The following EPG5 variants were observed in gnomAD, a reference collection of about 807,000 sequenced individuals.
The protein encoded by EPG5 is ectopic P granules protein 5 homolog.
In EPG5, 159 loss-of-function variants were observed where a neutral mutation model predicts 302.7. The observed-to-expected ratio is 0.53, with a 90% CI of 0.46 to 0.60. EPG5 has a LOEUF of 0.60. EPG5 is among the 20% of genes least tolerant of loss of function. EPG5 has a pLI of 0.00. For missense variants in EPG5, 2,896 were observed against 3,092.4 expected, an observed-to-expected ratio of 0.94 and a Z score of 1.51; for synonymous variants, 1,158 against 1,136.8, an observed-to-expected ratio of 1.02 and a Z score of -0.37.
At chr18:45,900,974 C>A (rs778939529) in intron 26 of EPG5, 22 bp downstream of exon 26, 1 of 1,594,684 alleles carries the variant, frequency 6.3e-7, no homozygotes, top group Non-Finnish European at 8.6e-7. Context: ...GGAACATGAT[C>A]CGTGAGGCTG....
chr18:45,912,319 C>A lies in EPG5; in HGVS notation c.3954G>T (p.Leu1318=). 1 of 1,605,232 alleles carries A rather than the reference C, an allele frequency of 6.2e-7. No individual in the cohort carries two copies. The highest frequency in any genetic ancestry group is 8.5e-7 in the Non-Finnish European group (1 of 1,177,366). ...ACTGTGGTCCCGGACGGTGAAGATACAGAAGGAAGAACTTCTGCCAAATGA... is the reference window on the plus strand; with the variant it reads ...ACTGTGGTCCCGGACGGTGAAGATAAAGAAGGAAGAACTTCTGCCAAATGA... ...LPLIWQKFFL[L]YLHRPGPQYG... The change falls in exon 22 of 44, where the codon CTG becomes CTT. Residue 1318 remains leucine (L), a synonymous_variant. Transcript: ENST00000282041.
At chr18:45,821,824 G>A in the EPG5 span, among the ~76,000 whole-genome samples, 1 of 152,280 alleles carries the variant, frequency 6.6e-6, no homozygotes, top group African/African-American at 2.4e-5. Context: ...CTCAAAGGAA[G>A]ACATACAAAT....
At chr18:45,855,537 C>T in intron 43 of EPG5, 36 bp downstream of exon 43, 1 of 1,496,982 alleles carries the variant, frequency 6.7e-7, no homozygotes, top group Non-Finnish European at 9.3e-7. Flanking sequence ...GGAAGATGTG[C>T]AGGCAAACTT....
the EPG5 span, among the ~76,000 whole-genome samples, chr18:45,824,952 C>T: frequency 6.6e-6 from 1 of 151,880 alleles, no homozygotes; most frequent in African/African-American, 2.4e-5. Flanking sequence ...CCCCCAAGTG[C>T]CAAGGGAAGG....
rs373011809 is a variant in EPG5, at chr18:45,943,293, G to C, written c.1811C>G (p.Thr604Arg). 290 of 1,613,782 alleles carry C rather than the reference G, an allele frequency of 1.8e-4. No homozygotes were observed. Among genetic ancestry groups the C allele is most frequent in the Non-Finnish European group, 2.4e-4 (280 of 1,179,906 alleles). ...FKAKGDYLPE[T>R]TRPQEMMKIF... ...TTTCATCATCTCTTGAGGTCTTGTT[G>C]TTTCAGGTAAATAATCACCTAGAAG... is the stretch of plus-strand genomic sequence containing the variant. Residue 604 changes from threonine (T) to arginine (R), a missense_variant, in exon 9 of 44, where the codon ACA becomes AGA. By Grantham distance (71) the Thr-to-Arg change is moderately conservative (BLOSUM62 -1). Around this residue, in one of 5 missense-constraint regions of EPG5, gnomAD observed 1,390 missense variants for 1,430.0 expected, o/e 0.97. Coordinates refer to ENST00000282041, the MANE Select transcript of EPG5 (RefSeq NM_020964.3).
chr18:45,823,784 C>T, the EPG5 span, among the ~76,000 whole-genome samples: 2 of 152,178 alleles, frequency 1.3e-5, no homozygotes, highest in Non-Finnish European at 2.9e-5. Context: ...AGCAAACAAA[C>T]GATGACAACA....
At chr18:45,805,207 G>A in the EPG5 span, among the ~76,000 whole-genome samples, 104,948 of 151,896 alleles carry the variant, frequency 0.69, 36,715 homozygotes, top group East Asian at 0.92. Flanking sequence ...ACAGGAAAAA[G>A]GGGTTATTTG....
At chr18:45,911,783 A>T (rs1273085213) in intron 22 of EPG5, among the ~76,000 whole-genome samples, 1 of 152,190 alleles carries the variant, frequency 6.6e-6, no homozygotes, top group Admixed American at 6.5e-5. Flanking sequence ...TGAGGAATTG[A>T]GGCAGGAGCT....
At position 45,916,593 on chromosome 18, in the gene EPG5, C is replaced by T; in HGVS notation, c.3240-11G>A. On this transcript the variant is annotated splice_polypyrimidine_tract_variant and intron_variant, in intron 17 of 43. Coordinates refer to ENST00000282041, the MANE Select transcript of EPG5 (RefSeq NM_020964.3). The stretch of plus-strand genomic sequence containing the variant: ...AGATGCGATAAAAACCTGCCAAGCA[C>T]ACAGGAGGACGCACTTTACCTTCCG... The T allele has an allele frequency of 6.3e-7, 1 of 1,586,946 alleles. No individual in the cohort carries two copies. The highest frequency in any genetic ancestry group is 8.6e-7 in the Non-Finnish European group (1 of 1,158,140).
downstream of EPG5, among the ~76,000 whole-genome samples, chr18:45,845,204 C>T (rs897591812): frequency 2.0e-5 from 3 of 152,204 alleles, no homozygotes; most frequent in East Asian, 5.8e-4. Flanking sequence ...GATACATACC[C>T]TTCTGCGGTA....
intron 11 of EPG5, among the ~76,000 whole-genome samples, chr18:45,934,548 C>CA (rs781504290): frequency 5.9e-5 from 9 of 152,190 alleles, no homozygotes; most frequent in East Asian, 5.8e-4. Context: ...CACACACATG[C>CA]AAAAAAGTGC....
the EPG5 span, chr18:45,838,616 C>T: frequency 7.1e-7 from 1 of 1,402,706 alleles, no homozygotes; most frequent in Non-Finnish European, 9.3e-7. Context: ...ACCCAAGTGC[C>T]CATTCCTCCC....
intron 34 of EPG5, among the ~76,000 whole-genome samples, chr18:45,877,214 T>G (rs1025095532): frequency 6.6e-6 from 1 of 152,018 alleles, no homozygotes; most frequent in East Asian, 2.0e-4. Context: ...CTGGCCAACA[T>G]AGCAAAACAC....
chr18:45,855,613 C>T lies in EPG5; in HGVS notation c.7517G>A (p.Arg2506Lys), dbSNP rs1568091772. Residue 2506 changes from arginine to lysine, a missense_variant, in exon 43 of 44, where the codon AGG (arginine) becomes AAG (lysine). Physicochemically the swap from Arg to Lys is conservative, Grantham distance 26. Around this residue, in one of 5 missense-constraint regions of EPG5, gnomAD observed 620 missense variants for 704.2 expected, o/e 0.88. Coordinates refer to ENST00000282041, the MANE Select transcript of EPG5 (RefSeq NM_020964.3). ...QVPMEDQIRLRPGSELHLTPK... is the reference protein window; with the variant it reads ...QVPMEDQIRLKPGSELHLTPK... ...GGTCAGATGTAATTCAGAGCCAGGC[C>T]TCAAACGGATCTGATCTTCCATAGG... is the stretch of plus-strand genomic sequence containing the variant. The T allele has an allele frequency of 6.2e-7, 1 of 1,614,130 alleles. No individual in the cohort carries two copies. Among genetic ancestry groups the T allele is most frequent in the Non-Finnish European group, 8.5e-7 (1 of 1,180,026 alleles).
At position 45,899,527 on chromosome 18, in the gene EPG5, A is replaced by G. The variant is rs2145576325; in HGVS notation, c.4686T>C (p.Asp1562=). 1.2e-6 allele frequency: 2 copies of G among 1,614,188 alleles called. No homozygotes were observed. The highest frequency in any genetic ancestry group is 1.7e-6 in the Non-Finnish European group (2 of 1,180,032). ...TTGGCATTGTGTCTAACAGCTCACCATCCAGAGCAACCTGCTGAGATTCCC... is the reference window on the plus strand; with the variant it reads ...TTGGCATTGTGTCTAACAGCTCACCGTCCAGAGCAACCTGCTGAGATTCCC... ...ALRESQQVAL[D]GELLDTMPKQ... is the part of the protein sequence containing the mutation. Residue 1562 remains aspartate, a synonymous_variant, in exon 27 of 44, where the codon GAT becomes GAC. Transcript: ENST00000282041.
At chr18:45,949,665 A>T in intron 4 of EPG5, 74 bp from the exon 5 acceptor site, 1 of 918,900 alleles carries the variant, frequency 1.1e-6, no homozygotes, top group Non-Finnish European at 1.7e-6. Flanking sequence ...TAGTAAAGTC[A>T]TTTATCCAGT....
chr18:45,915,891 G>C, intron 19 of EPG5, 118 bp downstream of exon 19: 1 of 960,696 alleles, frequency 1.0e-6, no homozygotes. Context: ...TTAAGGCAAA[G>C]CTTAAAGAAG....
the EPG5 span, among the ~76,000 whole-genome samples, chr18:45,825,105 A>G: frequency 0.3 from 43,745 of 143,932 alleles, 7,299 homozygotes; most frequent in African/African-American, 0.43. Context: ...CAGAGACCCA[A>G]CCTAAGCTTT....
chr18:45,894,072 T>C (rs896191996), intron 27 of EPG5, among the ~76,000 whole-genome samples: 1 of 152,278 alleles, frequency 6.6e-6, no homozygotes, highest in Non-Finnish European at 1.5e-5. Context: ...AGTAACAGCA[T>C]AGAACTAATC....
Sources: gnomAD v4.1 joint callset for allele counts (sites outside exome capture counted in the v4.1 genomes callset) on GRCh38, gnomAD v4.1.1 for gene constraint, gnomAD v4.1.1 regional missense constraint, MANE v1.5 for transcripts, NCBI Gene and HGNC (gene_info 2026-07-23, HGNC 2026-07-21) for gene names.